ATXN7L1: variants seen among roughly 807,000 people sequenced by gnomAD.
ATXN7L1 encodes the protein ataxin-7-like protein 1.
A neutral mutation model predicts 70.8 loss-of-function variants in ATXN7L1; 15 were observed. The observed-to-expected ratio is 0.21, with a 90% CI of 0.14 to 0.33. The LOEUF (loss-of-function observed/expected upper bound fraction) is 0.33, where lower values mean the gene tolerates loss of function less well. Ranked by LOEUF, ATXN7L1 falls within the 10% of genes least tolerant of loss-of-function variation. The pLI is 1.00. For missense variants in ATXN7L1, 975 were observed against 1,097.1 expected, an observed-to-expected ratio of 0.89 and a Z score of 1.57; for synonymous variants, 440 against 445.1, an observed-to-expected ratio of 0.99 and a Z score of 0.14.
At chr7:105,764,527 C>T (rs559916409) in intron 3 of ATXN7L1, among the ~76,000 whole-genome samples, 1 of 152,124 alleles carries the variant, frequency 6.6e-6, no homozygotes, top group Non-Finnish European at 1.5e-5. Flanking sequence ...CTACAAGTTG[C>T]GTATCACTGA....
intron 3 of ATXN7L1, among the ~76,000 whole-genome samples, chr7:105,693,534 C>CCG: frequency 7.2e-6 from 1 of 139,682 alleles, no homozygotes; most frequent in South Asian, 2.4e-4. Context: ...AATCTAATGC[C>CCG]CCATCCATCC....
At chr7:105,872,559 C>T (rs1818423334) in intron 2 of ATXN7L1, among the ~76,000 whole-genome samples, 2 of 152,084 alleles carry the variant, frequency 1.3e-5, no homozygotes. Context: ...TGAAATAAAC[C>T]AGATACAAAA....
intron 2 of ATXN7L1, among the ~76,000 whole-genome samples, chr7:105,809,474 A>G (rs1257541537): frequency 6.6e-6 from 1 of 152,156 alleles, no homozygotes; most frequent in Non-Finnish European, 1.5e-5. Context: ...TGCTTCTACG[A>G]GTCAACTGCC....
At chr7:105,811,039 G>A (rs1338325042) in intron 2 of ATXN7L1, among the ~76,000 whole-genome samples, 1 of 152,190 alleles carries the variant, frequency 6.6e-6, no homozygotes, top group Non-Finnish European at 1.5e-5. Context: ...CACAGATGAA[G>A]AAAGTTACGG....
intron 4 of ATXN7L1, among the ~76,000 whole-genome samples, chr7:105,662,814 G>A (rs1387039652): frequency 2.0e-5 from 3 of 152,134 alleles, no homozygotes; most frequent in Admixed American, 6.5e-5. Context: ...GGATGGAAGT[G>A]CTGTCCTTTG....
intron 3 of ATXN7L1, among the ~76,000 whole-genome samples, chr7:105,769,413 G>A (rs1458512940): frequency 3.9e-5 from 6 of 152,098 alleles, no homozygotes; most frequent in Non-Finnish European, 8.8e-5. Flanking sequence ...ACTCGTGTTC[G>A]TGCTTGACTC....
At chr7:105,855,466 T>C (rs1419543860) in intron 2 of ATXN7L1, among the ~76,000 whole-genome samples, 1 of 152,242 alleles carries the variant, frequency 6.6e-6, no homozygotes, top group Non-Finnish European at 1.5e-5. Context: ...AGTGTGCTGA[T>C]GCATATCTCT....
chr7:105,849,086 C>T (rs1466257412), intron 2 of ATXN7L1, among the ~76,000 whole-genome samples: 3 of 152,246 alleles, frequency 2.0e-5, no homozygotes, highest in Non-Finnish European at 2.9e-5. Flanking sequence ...AATAAAACTG[C>T]TCCACTGAAT....
intron 3 of ATXN7L1, chr7:105,679,041 C>T: frequency 1.0e-6 from 1 of 982,640 alleles, no homozygotes; most frequent in Middle Eastern, 5.2e-4. Flanking sequence ...GTGCCCTGCG[C>T]TCACACTTAC....
At position 105,652,781 on chromosome 7, in the gene ATXN7L1, C is replaced by T. The variant is rs1050128213; in HGVS notation, c.579-9660G>A. Among the ~76,000 whole-genome samples, 27 of 152,314 alleles carry T rather than the reference C, an allele frequency of 1.8e-4. 1 individual carries two copies. Among genetic ancestry groups the T allele is most frequent in the East Asian group, 9.6e-4 (5 of 5,182 alleles). On this transcript the variant is annotated intron_variant, in intron 4 of 11. Coordinates refer to ENST00000419735, the MANE Select transcript of ATXN7L1 (RefSeq NM_020725.2). ...GCCTTCAAGAAGCTTTTTCTGAGCACGCTGAAAGATGAGGAAATGGCAAAG... is the reference window on the plus strand; with the variant it reads ...GCCTTCAAGAAGCTTTTTCTGAGCATGCTGAAAGATGAGGAAATGGCAAAG...
chr7:105,769,463 G>C (rs1040764124), intron 3 of ATXN7L1, among the ~76,000 whole-genome samples: 1 of 152,126 alleles, frequency 6.6e-6, no homozygotes, highest in Non-Finnish European at 1.5e-5. Context: ...CCCATAGTGG[G>C]TGATCAGAAA....
At chr7:105,787,047 A>G (rs982433695) in intron 3 of ATXN7L1, among the ~76,000 whole-genome samples, 1 of 122,194 alleles carries the variant, frequency 8.2e-6, no homozygotes, top group Non-Finnish European at 1.6e-5. Context: ...TCCACCTGTC[A>G]TCTCAGCTGG....
intron 2 of ATXN7L1, among the ~76,000 whole-genome samples, chr7:105,789,976 A>G (rs898878435): frequency 2.6e-5 from 4 of 152,230 alleles, no homozygotes; most frequent in Non-Finnish European, 5.9e-5. Context: ...ATCCACTGAA[A>G]GGAATAAGTA....
intron 3 of ATXN7L1, among the ~76,000 whole-genome samples, chr7:105,727,746 GTA>G (rs1232202676): frequency 0.16 from 8,865 of 55,422 alleles, 694 homozygotes; most frequent in Middle Eastern, 0.26. Context: ...GTGTATGTGT[GTA>G]TATATATATA....
At chr7:105,785,352 G>C (rs1804137899) in intron 3 of ATXN7L1, among the ~76,000 whole-genome samples, 1 of 152,194 alleles carries the variant, frequency 6.6e-6, no homozygotes, top group Admixed American at 6.5e-5. Flanking sequence ...TGTAGTTCCA[G>C]CTACTCTGGA....
chr7:105,613,643 G>A (rs565088927), intron 10 of ATXN7L1: 29 of 1,417,162 alleles, frequency 2.0e-5, no homozygotes, highest in African/African-American at 1.7e-4. Flanking sequence ...GGTAATAACC[G>A]TAAAGTGCCG....
At chr7:105,754,087 TC>T (rs149818908) in intron 3 of ATXN7L1, among the ~76,000 whole-genome samples, 2,878 of 152,300 alleles carry the variant, frequency 0.019, 48 homozygotes, top group Middle Eastern at 0.061. Context: ...GGAAAATACT[TC>T]TATGACCCAA....
At chr7:105,718,233 C>T (rs1433113063) in intron 3 of ATXN7L1, among the ~76,000 whole-genome samples, 1 of 152,206 alleles carries the variant, frequency 6.6e-6, no homozygotes, top group African/African-American at 2.4e-5. Flanking sequence ...AGTTAATCAG[C>T]TATAGGATAC....
At chr7:105,859,247 C>T (rs1325496678) in intron 2 of ATXN7L1, among the ~76,000 whole-genome samples, 1 of 152,024 alleles carries the variant, frequency 6.6e-6, no homozygotes, top group African/African-American at 2.4e-5. Flanking sequence ...CAAAAACATA[C>T]ATACATATTT....
Sources: allele counts gnomAD v4.1 joint callset (sites outside exome capture counted in the v4.1 genomes callset), GRCh38; gene constraint gnomAD v4.1.1; transcripts MANE v1.5; gene names NCBI Gene and HGNC (gene_info 2026-07-23, HGNC 2026-07-21).